Variants in RANBP2 observed in about 807,000 individuals in gnomAD.
The protein encoded by RANBP2 is E3 SUMO-protein ligase RanBP2.
RANBP2 carries 57 observed loss-of-function variants against 303.6 expected under a neutral mutation model. That is an observed-to-expected ratio of 0.19 (90% CI 0.15 to 0.23). RANBP2 has a LOEUF of 0.23. Among genes scored for constraint, RANBP2 ranks in the 10% least tolerant of loss-of-function variants. RANBP2 has a pLI of 1.00. For missense variants in RANBP2, 3,138 were observed against 3,780.8 expected (o/e 0.83, Z 4.46); for synonymous variants, 1,167 against 1,301.5 (o/e 0.90, Z 2.23).
chr2:109,628,085 G>T, the RANBP2 span, among the ~76,000 whole-genome samples: 3 of 152,170 alleles, frequency 2.0e-5, no homozygotes, highest in Non-Finnish European at 4.4e-5. Flanking sequence ...GGCTGCTCCT[G>T]TGGCCCATCT....
chr2:109,065,939 C>T, the RANBP2 span, among the ~76,000 whole-genome samples: 154 of 152,222 alleles, frequency 1.0e-3, no homozygotes, highest in African/African-American at 3.4e-3. Context: ...CTGTTGCCAG[C>T]TCTTGTGGAT....
the RANBP2 span, among the ~76,000 whole-genome samples, chr2:109,699,292 T>C: frequency 1.3e-5 from 2 of 152,214 alleles, no homozygotes; most frequent in Non-Finnish European, 2.9e-5. Flanking sequence ...CTGTGTATTC[T>C]AGTTGTCTTG....
the RANBP2 span, among the ~76,000 whole-genome samples, chr2:109,317,389 T>C: frequency 6.6e-6 from 1 of 152,078 alleles, no homozygotes; most frequent in African/African-American, 2.4e-5. Flanking sequence ...TCCAGAGGTC[T>C]GGGGCTCTTT....
intron 1 of RANBP2, among the ~76,000 whole-genome samples, chr2:108,723,537 A>G (rs1030242554): frequency 5.3e-4 from 80 of 152,104 alleles, no homozygotes; most frequent in African/African-American, 1.9e-3. Context: ...AGCCTCCCAA[A>G]GTGCCGGGGT....
At chr2:109,215,682 T>G in the RANBP2 span, among the ~76,000 whole-genome samples, 24 of 152,130 alleles carry the variant, frequency 1.6e-4, 1 homozygote, top group Admixed American at 8.5e-4. Context: ...AGCTGCTGCT[T>G]CTGGAATCCT....
At chr2:108,967,121 G>C in the RANBP2 span, among the ~76,000 whole-genome samples, 1 of 152,140 alleles carries the variant, frequency 6.6e-6, no homozygotes, top group Admixed American at 6.5e-5. Flanking sequence ...TTTTAGTAGA[G>C]ACGGAGTTTT....
chr2:109,685,104 C>T, the RANBP2 span, among the ~76,000 whole-genome samples: 4 of 151,956 alleles, frequency 2.6e-5, no homozygotes, highest in Non-Finnish European at 4.4e-5. Context: ...AACTCCTGAC[C>T]TCAGATGATC....
the RANBP2 span, among the ~76,000 whole-genome samples, chr2:108,944,488 T>C: frequency 5.9e-5 from 9 of 152,238 alleles, no homozygotes; most frequent in Non-Finnish European, 1.0e-4. Flanking sequence ...ATGGAGCCAA[T>C]GCTGTTGCCT....
the RANBP2 span, among the ~76,000 whole-genome samples, chr2:109,641,678 A>G: frequency 6.6e-6 from 1 of 152,254 alleles, no homozygotes; most frequent in African/African-American, 2.4e-5. Flanking sequence ...AATCCAAATT[A>G]GGTTCATGCA....
At chr2:109,550,534 A>G in the RANBP2 span, among the ~76,000 whole-genome samples, 1 of 151,938 alleles carries the variant, frequency 6.6e-6, no homozygotes, top group Non-Finnish European at 1.5e-5. Flanking sequence ...GGCTGGTCTC[A>G]AACTCCTGAT....
the RANBP2 span, among the ~76,000 whole-genome samples, chr2:109,013,641 G>A: frequency 6.6e-6 from 1 of 151,744 alleles, no homozygotes; most frequent in Non-Finnish European, 1.5e-5. Flanking sequence ...GTGCAGTGGG[G>A]TGATCTCGGC....
chr2:109,720,279 TCA>T, the RANBP2 span, among the ~76,000 whole-genome samples: 3 of 143,934 alleles, frequency 2.1e-5, no homozygotes, highest in African/African-American at 2.5e-5. Context: ...ACACATACAC[TCA>T]CACACACACA....
At chr2:109,213,646 G>A in the RANBP2 span, among the ~76,000 whole-genome samples, 1 of 152,230 alleles carries the variant, frequency 6.6e-6, no homozygotes, top group South Asian at 2.1e-4. Context: ...GCAGCAAACT[G>A]TGTGTCTACA....
the RANBP2 span, among the ~76,000 whole-genome samples, chr2:109,412,859 C>T: frequency 7.2e-5 from 11 of 152,348 alleles, no homozygotes; most frequent in Middle Eastern, 3.4e-3. Flanking sequence ...TGAAAATACA[C>T]GTATCACTGT....
the RANBP2 span, among the ~76,000 whole-genome samples, chr2:109,695,834 GT>G: frequency 6.6e-6 from 1 of 151,840 alleles, no homozygotes; most frequent in Non-Finnish European, 1.5e-5. Flanking sequence ...TGCCAAAAAG[GT>G]TTTTTTTGTT....
the RANBP2 span, among the ~76,000 whole-genome samples, chr2:109,333,787 C>CT: frequency 6.6e-6 from 1 of 152,154 alleles, no homozygotes; most frequent in African/African-American, 2.4e-5. Context: ...CTCTGTGTGA[C>CT]TTAGTTTCCT....
chr2:109,105,130 T>G, the RANBP2 span, among the ~76,000 whole-genome samples: 8 of 152,128 alleles, frequency 5.3e-5, no homozygotes, highest in Admixed American at 1.3e-4. Flanking sequence ...GGAAAGGCAC[T>G]CTCCCAATGG....
the RANBP2 span, chr2:108,907,927 T>A: frequency 6.2e-7 from 1 of 1,613,600 alleles, no homozygotes; most frequent in East Asian, 2.2e-5. Flanking sequence ...CAGGCACAGC[T>A]CCGGGGAGCC....
chr2:109,094,588 G>T, the RANBP2 span, among the ~76,000 whole-genome samples: 1 of 152,206 alleles, frequency 6.6e-6, no homozygotes, highest in Non-Finnish European at 1.5e-5. Flanking sequence ...TCAGCACTTT[G>T]GGAGGCTGAA....
Sources: gnomAD v4.1 joint callset for allele counts (sites outside exome capture counted in the v4.1 genomes callset) on GRCh38, gnomAD v4.1.1 for gene constraint, MANE v1.5 for transcripts, NCBI Gene and HGNC (gene_info 2026-07-23, HGNC 2026-07-21) for gene names.